Variants in BMPR1B observed in about 807,000 individuals in gnomAD.
The protein encoded by BMPR1B is bone morphogenetic protein receptor type-1B.
A neutral mutation model predicts 59.1 loss-of-function variants in BMPR1B; 12 were observed. The ratio of observed to expected loss-of-function variants is 0.20; its 90% CI spans 0.13 to 0.33. BMPR1B has a LOEUF of 0.33. Ranked by LOEUF, BMPR1B falls within the 10% of genes least tolerant of loss-of-function variation. The pLI is 1.00. For missense variants in BMPR1B, 550 were observed against 610.9 expected (o/e 0.90, Z 1.05); for synonymous variants, 237 against 207.3 (o/e 1.14, Z -1.23).
Position 95,011,654 on chromosome 4 carries a change from A to G in BMPR1B, c.-18+15520A>G, listed in dbSNP as rs551756801. Among the ~76,000 whole-genome samples, 59 of 152,228 alleles carry G rather than the reference A, an allele frequency of 3.9e-4. No individual in the cohort carries two copies. In the Middle Eastern group the frequency reaches 0.01, roughly 26 times the overall value. On this transcript the variant is annotated intron_variant, in intron 3 of 12. Coordinates refer to ENST00000515059, the MANE Select transcript of BMPR1B (RefSeq NM_001203.3). The stretch of plus-strand genomic sequence containing the variant: ...ATTTTATTAGCCAGCTTTTAATTCA[A>G]TGGCTACCTCATGATCTTTTAGCTG...
chr4:95,086,998 CTTTTTTTTT>C (rs34460668), intron 3 of BMPR1B, among the ~76,000 whole-genome samples: 1 of 103,104 alleles, frequency 9.7e-6, no homozygotes, highest in Non-Finnish European at 1.9e-5. Flanking sequence ...TCATATCCTT[CTTTTTTTTT>C]TTTTTTTTTT....
At chr4:94,790,381 C>G (rs1159320225) in intron 1 of BMPR1B, among the ~76,000 whole-genome samples, 1 of 152,148 alleles carries the variant, frequency 6.6e-6, no homozygotes, top group Non-Finnish European at 1.5e-5. Flanking sequence ...ATCAGATTAT[C>G]AGTTTTACAA....
chr4:94,979,106 C>T (rs1007995460), intron 2 of BMPR1B, among the ~76,000 whole-genome samples: 112 of 152,242 alleles, frequency 7.4e-4, no homozygotes, highest in African/African-American at 2.4e-3. Flanking sequence ...CACAGGAAAA[C>T]CCACCCCTAT....
intron 3 of BMPR1B, among the ~76,000 whole-genome samples, chr4:95,085,163 T>C (rs1167376277): frequency 1.3e-5 from 2 of 152,132 alleles, no homozygotes; most frequent in African/African-American, 4.8e-5. Flanking sequence ...ATTGAGAAAA[T>C]GACTCTTTGA....
chr4:94,959,995 A>G (rs1411613681), intron 2 of BMPR1B, among the ~76,000 whole-genome samples: 1 of 152,128 alleles, frequency 6.6e-6, no homozygotes, highest in Non-Finnish European at 1.5e-5. Flanking sequence ...CCTTTGAATT[A>G]TTGTTTAAAT....
chr4:94,811,359 T>C (rs935986178), intron 1 of BMPR1B, among the ~76,000 whole-genome samples: 1 of 152,122 alleles, frequency 6.6e-6, no homozygotes, highest in African/African-American at 2.4e-5. Flanking sequence ...CTTTGGAGGC[T>C]CTCATGGGCC....
intron 10 of BMPR1B, among the ~76,000 whole-genome samples, chr4:95,134,762 G>A (rs1260713072): frequency 1.3e-5 from 2 of 152,128 alleles, no homozygotes; most frequent in East Asian, 3.9e-4. Flanking sequence ...TTCTGGATTA[G>A]CCCTTTGTCA....
At chr4:95,013,861 T>A (rs1245408749) in intron 3 of BMPR1B, among the ~76,000 whole-genome samples, 1 of 152,202 alleles carries the variant, frequency 6.6e-6, no homozygotes, top group Non-Finnish European at 1.5e-5. Flanking sequence ...AACTACTGTC[T>A]TTTACTTTCA....
intron 4 of BMPR1B, among the ~76,000 whole-genome samples, chr4:95,111,448 A>G (rs1054045981): frequency 3.3e-5 from 5 of 152,090 alleles, no homozygotes; most frequent in African/African-American, 1.2e-4. Flanking sequence ...ATGTGAAATA[A>G]AGATGCTATC....
At chr4:94,840,760 A>G (rs552988815) in intron 1 of BMPR1B, among the ~76,000 whole-genome samples, 1 of 148,240 alleles carries the variant, frequency 6.7e-6, no homozygotes, top group East Asian at 1.9e-4. Context: ...TCTTCTCTCA[A>G]CTTGTCAAAG....
At chr4:94,833,954 A>C (rs545960085) in intron 1 of BMPR1B, among the ~76,000 whole-genome samples, 1 of 152,304 alleles carries the variant, frequency 6.6e-6, no homozygotes, top group African/African-American at 2.4e-5. Context: ...TAAATGCTTC[A>C]TTGTATGCAG....
At chr4:95,054,245 A>G (rs13127255) in intron 3 of BMPR1B, among the ~76,000 whole-genome samples, 38,951 of 152,170 alleles carry the variant, frequency 0.26, 6,227 homozygotes, top group South Asian at 0.4. Context: ...CAAAGTCACA[A>G]TAAGTGGAAA....
rs141872514 is a variant in BMPR1B, at chr4:95,077,491, ATTTG to A, written c.-17-26908_-17-26905del. Among the ~76,000 whole-genome samples, 1,202 of 152,230 alleles carry A rather than the reference ATTTG, an allele frequency of 7.9e-3. 12 individuals are homozygous for A. Among genetic ancestry groups the A allele is most frequent in the African/African-American group, 0.026 (1,082 of 41,560 alleles). On this transcript the variant is annotated intron_variant, in intron 3 of 12. Transcript: ENST00000515059. ...TTGATGGATTATTTCATGAATTATT[ATTTG>A]TTTGTTTGAGGCATACCAAGCACAA...
At chr4:94,876,902 G>A (rs186824979) in intron 2 of BMPR1B, among the ~76,000 whole-genome samples, 211 of 152,144 alleles carry the variant, frequency 1.4e-3, no homozygotes, top group Non-Finnish European at 2.5e-3. Flanking sequence ...AAAGTTTTCA[G>A]AAACTTACTT....
intron 3 of BMPR1B, among the ~76,000 whole-genome samples, chr4:95,084,042 T>G (rs889451558): frequency 1.3e-5 from 2 of 152,062 alleles, no homozygotes; most frequent in Admixed American, 6.6e-5. Context: ...TTTCAGTCCT[T>G]TCAAATCCCT....
In BMPR1B at chr4:95,089,196, A is replaced by AAC. The variant is rs533233606; in HGVS notation, c.-17-15204_-17-15203dup. Among the ~76,000 whole-genome samples the AAC allele has an allele frequency of 1.8e-3, 273 of 152,312 alleles. 1 individual carries two copies. Among genetic ancestry groups the AAC allele is most frequent in the African/African-American group, 6.4e-3 (266 of 41,584 alleles). ...AAAATATTTCAAGGTGGAAAAACAT[A>AAC]ACACACACAAATACATCTACCTTAT... is the stretch of plus-strand genomic sequence containing the variant. On this transcript the variant is annotated intron_variant, in intron 3 of 12. Transcript: ENST00000515059.
intron 1 of BMPR1B, among the ~76,000 whole-genome samples, chr4:94,856,901 G>T (rs1209756673): frequency 1.3e-5 from 2 of 152,196 alleles, no homozygotes; most frequent in Non-Finnish European, 2.9e-5. Context: ...GAAGGTAGAA[G>T]ATATGATATT....
intron 1 of BMPR1B, among the ~76,000 whole-genome samples, chr4:94,789,989 C>T (rs1479100837): frequency 6.6e-6 from 1 of 152,142 alleles, no homozygotes; most frequent in Non-Finnish European, 1.5e-5. Flanking sequence ...TCCACTTCCA[C>T]TCAATGAGTA....
intron 2 of BMPR1B, among the ~76,000 whole-genome samples, chr4:94,904,467 C>A (rs1031837452): frequency 2.0e-5 from 3 of 151,860 alleles, no homozygotes; most frequent in Admixed American, 6.6e-5. Context: ...ATTACTTATC[C>A]CTTACTTAAG....
Sources: allele counts gnomAD v4.1 joint callset (sites outside exome capture counted in the v4.1 genomes callset), GRCh38; gene constraint gnomAD v4.1.1; transcripts MANE v1.5; gene names NCBI Gene and HGNC (gene_info 2026-07-23, HGNC 2026-07-21).